GPBP1L1: variants seen among roughly 807,000 people sequenced by gnomAD.
The protein encoded by GPBP1L1 is GC-rich promoter binding protein 1 like 1, also known as vasculin-like protein 1.
GPBP1L1 carries 23 observed loss-of-function variants against 52.5 expected under a neutral mutation model. The observed-to-expected ratio is 0.44, with a 90% CI of 0.32 to 0.62. GPBP1L1 has a LOEUF of 0.62. Ranked by LOEUF, GPBP1L1 falls within the 20% of genes least tolerant of loss-of-function variation. The pLI, the probability that GPBP1L1 is intolerant of heterozygous loss-of-function variation, is 0.06. For missense variants in GPBP1L1, 596 were observed against 579.3 expected, an observed-to-expected ratio of 1.03 and a Z score of -0.30; for synonymous variants, 243 against 203.1, an observed-to-expected ratio of 1.20 and a Z score of -1.67.
intron 2 of GPBP1L1, among the ~76,000 whole-genome samples, chr1:45,664,148 G>A (rs893013044): frequency 3.3e-5 from 5 of 152,000 alleles, no homozygotes; most frequent in Admixed American, 2.0e-4. Context: ...GTAAAACTCC[G>A]TCTCTACTAA....
At chr1:45,630,008 T>C (rs1644509800) in intron 11 of GPBP1L1, among the ~76,000 whole-genome samples, 1 of 151,244 alleles carries the variant, frequency 6.6e-6, no homozygotes, top group African/African-American at 2.4e-5. Flanking sequence ...TGAAGTGCAG[T>C]GGTACAATCT....
chr1:45,665,879 A>C (rs879542071), intron 2 of GPBP1L1, among the ~76,000 whole-genome samples: 6 of 151,758 alleles, frequency 4.0e-5, no homozygotes, highest in Admixed American at 3.9e-4. Context: ...AGGCACTACT[A>C]GTCTCTTTCC....
At chr1:45,642,287 G>T in intron 7 of GPBP1L1, 140 bp downstream of exon 7, 1 of 647,564 alleles carries the variant, frequency 1.5e-6, no homozygotes, top group Non-Finnish European at 2.8e-6. Context: ...AGAATAACCC[G>T]CTACAGTCAG....
Position 45,634,229 on chromosome 1 carries a change from G to T in GPBP1L1, c.752C>A (p.Ala251Glu), listed in dbSNP as rs1443846587. 6.2e-7 allele frequency: 1 copy of T among 1,611,770 alleles called. No individual in the cohort carries two copies. Among genetic ancestry groups the T allele is most frequent in the African/African-American group, 1.3e-5 (1 of 74,998 alleles). Residue 251 changes from alanine to glutamate, a missense_variant, in exon 9 of 13, where the codon GCA becomes GAA. Transcript: ENST00000355105. ...GTGCTCCATCCTGTTAGCTTTCCAT[G>T]CATTAGGCTACACAGGGTGAAAGAA... ...KPVPPPSKPNAWKANRMEHKS... is the reference protein window; with the variant it reads ...KPVPPPSKPNEWKANRMEHKS...
At chr1:45,678,388 A>T (rs1645172177) in intron 2 of GPBP1L1, among the ~76,000 whole-genome samples, 1 of 152,218 alleles carries the variant, frequency 6.6e-6, no homozygotes, top group Admixed American at 6.5e-5. Context: ...CACCATGCAA[A>T]TTAGTTTCTT....
At chr1:45,685,253 T>C (rs1336263666) in intron 2 of GPBP1L1, among the ~76,000 whole-genome samples, 1 of 152,168 alleles carries the variant, frequency 6.6e-6, no homozygotes, top group East Asian at 1.9e-4. Flanking sequence ...AGATCAGCAG[T>C]CTACTAAATT....
At chr1:45,665,707 G>A (rs1645001783) in intron 2 of GPBP1L1, among the ~76,000 whole-genome samples, 1 of 138,152 alleles carries the variant, frequency 7.2e-6, no homozygotes, top group Non-Finnish European at 1.5e-5. Context: ...CGCCACCACT[G>A]CACTCCAGCC....
intron 8 of GPBP1L1, among the ~76,000 whole-genome samples, chr1:45,639,573 T>C (rs1313879528): frequency 2.7e-5 from 2 of 73,132 alleles, no homozygotes; most frequent in African/African-American, 1.1e-4. Context: ...CAAAAAATAA[T>C]TAAAAAAAAA....
intron 2 of GPBP1L1, among the ~76,000 whole-genome samples, chr1:45,665,743 T>TAAAAAA (rs949281797): frequency 9.1e-6 from 1 of 109,710 alleles, no homozygotes; most frequent in Non-Finnish European, 1.8e-5. Flanking sequence ...GACGCCGTCT[T>TAAAAAA]AAAAAAAAAA....
intron 8 of GPBP1L1, among the ~76,000 whole-genome samples, chr1:45,636,588 G>GTTA (rs1225956102): frequency 6.6e-6 from 1 of 152,074 alleles, no homozygotes; most frequent in Non-Finnish European, 1.5e-5. Flanking sequence ...TTAACAACAG[G>GTTA]TTCCCTCTGC....
At chr1:45,672,469 CTCAT>C in intron 2 of GPBP1L1, among the ~76,000 whole-genome samples, 1 of 152,190 alleles carries the variant, frequency 6.6e-6, no homozygotes, top group African/African-American at 2.4e-5. Flanking sequence ...TTGCTAAACT[CTCAT>C]TAATTCTAAT....
At chr1:45,638,251 T>C (rs1644621226) in intron 8 of GPBP1L1, among the ~76,000 whole-genome samples, 1 of 152,198 alleles carries the variant, frequency 6.6e-6, no homozygotes, top group African/African-American at 2.4e-5. Flanking sequence ...GACTTCCTCA[T>C]CCATTCACTT....
intron 2 of GPBP1L1, among the ~76,000 whole-genome samples, chr1:45,680,234 G>A (rs1645195776): frequency 1.5e-5 from 2 of 133,568 alleles, no homozygotes; most frequent in South Asian, 2.3e-4. Context: ...ATTGAGACAC[G>A]CTTTTTTTTT....
At chr1:45,656,973 A>G (rs1002776312) in intron 4 of GPBP1L1, among the ~76,000 whole-genome samples, 1 of 152,180 alleles carries the variant, frequency 6.6e-6, no homozygotes, top group Non-Finnish European at 1.5e-5. Context: ...GGCATGAGCC[A>G]CTGAGCCCAG....
intron 2 of GPBP1L1, among the ~76,000 whole-genome samples, chr1:45,671,907 C>T (rs1340815967): frequency 1.3e-5 from 2 of 151,960 alleles, no homozygotes; most frequent in Admixed American, 1.3e-4. Flanking sequence ...TATGACATTG[C>T]TTGGAATGGC....
chr1:45,654,636 T>A lies in GPBP1L1; in HGVS notation c.384A>T (p.Lys128Asn), dbSNP rs61743575. ...RHWNGSFHSR[K>N]GCAFQEKPPM... ...GTGGCTTTTCCTGAAAAGCACACCC[T>A]TTCCGGGAGTGGAAGCTGCCATTCC... is the stretch of plus-strand genomic sequence containing the variant. Residue 128 changes from lysine (K) to asparagine (N), a missense_variant, in exon 6 of 13, where the codon AAA becomes AAT. By Grantham distance (94) the Lys-to-Asn change is moderately conservative. Transcript: ENST00000355105. 1,986 of 1,614,092 alleles carry A rather than the reference T, an allele frequency of 1.2e-3. No homozygotes were observed. The highest frequency in any genetic ancestry group is 1.5e-3 in the Non-Finnish European group (1,760 of 1,180,030).
chr1:45,684,766 T>C (rs752853014), intron 2 of GPBP1L1, among the ~76,000 whole-genome samples: 1 of 152,152 alleles, frequency 6.6e-6, no homozygotes, highest in African/African-American at 2.4e-5. Flanking sequence ...TATTAAAAAC[T>C]TTAAATATTT....
At chr1:45,663,370 T>G (rs76522569) in intron 2 of GPBP1L1, among the ~76,000 whole-genome samples, 1,690 of 152,220 alleles carry the variant, frequency 0.011, 32 homozygotes, top group African/African-American at 0.038. Context: ...CTAGGTACCT[T>G]CCGGTTTTCC....
Position 45,628,086 on chromosome 1 carries a change from A to T in GPBP1L1, c.*170T>A. 1.5e-6 allele frequency: 1 copy of T among 679,248 alleles called. No homozygotes were observed. 42.1% of individuals were successfully genotyped at this position (679,248 alleles called of 1,614,324 possible). A position where few individuals can be genotyped will look rare whatever the true frequency, so the allele number is the denominator to read the frequency against. On this transcript the variant is annotated 3_prime_UTR_variant, in exon 13 of 13. Coordinates refer to ENST00000355105, the MANE Select transcript of GPBP1L1 (RefSeq NM_021639.5). ...CTCTATAAAGCAGATAACAGGGAAG[A>T]ACAATAACAAAAGCAAAACAAGCCA...
Sources: allele counts gnomAD v4.1 joint callset (sites outside exome capture counted in the v4.1 genomes callset), GRCh38; gene constraint gnomAD v4.1.1; transcripts MANE v1.5; gene names NCBI Gene and HGNC (gene_info 2026-07-23, HGNC 2026-07-21).